Variants in SLC17A8 observed in about 807,000 individuals in gnomAD.
SLC17A8 encodes the protein vesicular glutamate transporter 3.
SLC17A8 carries 31 observed loss-of-function variants against 58.0 expected under a neutral mutation model. The observed-to-expected ratio is 0.53, with a 90% confidence interval of 0.40 to 0.72. SLC17A8 has a LOEUF of 0.72. Among genes scored for constraint, SLC17A8 ranks in the 30% least tolerant of loss-of-function variants. SLC17A8 has a pLI of 0.00. For missense variants in SLC17A8, 655 were observed against 727.8 expected (o/e 0.90, Z 1.15); for synonymous variants, 228 against 249.0 (o/e 0.92, Z 0.79).
chr12:100,360,912 G>A (rs1237342899), intron 1 of SLC17A8, among the ~76,000 whole-genome samples: 1 of 152,184 alleles, frequency 6.6e-6, no homozygotes, highest in Non-Finnish European at 1.5e-5. Flanking sequence ...TCCAAGGGAG[G>A]CTTAAGGGGA....
chr12:100,386,356 T>C (rs574387473), intron 2 of SLC17A8, among the ~76,000 whole-genome samples: 12 of 152,314 alleles, frequency 7.9e-5, no homozygotes, highest in African/African-American at 2.9e-4. Flanking sequence ...AAGTTTTTAG[T>C]GTACAATACA....
intron 2 of SLC17A8, among the ~76,000 whole-genome samples, chr12:100,381,298 G>C (rs983483468): frequency 3.9e-5 from 6 of 152,168 alleles, no homozygotes; most frequent in Non-Finnish European, 7.3e-5. Context: ...ACTTGTGCTG[G>C]GCATTGTGCA....
rs201585182 is a variant in SLC17A8 at position 100,391,121 on chromosome 12, T to C, written c.473+2T>C. Reference sequence around the variant, plus strand: ...TTCAAACAAGTTTGCTGCTAACAGGTAAGATAAATTGATATAACATGATAC... The same window carrying C: ...TTCAAACAAGTTTGCTGCTAACAGGCAAGATAAATTGATATAACATGATAC... On this transcript the variant is annotated splice_donor_variant, in intron 3 of 11. Transcript: ENST00000323346. LOFTEE classifies it high-confidence loss of function. 1.1e-4 allele frequency: 167 copies of C among 1,567,122 alleles called. No individual in the cohort carries two copies. Among genetic ancestry groups the C allele is most frequent in the Non-Finnish European group, 1.5e-4 (165 of 1,137,388 alleles).
At chr12:100,414,927 G>A (rs1952895568) in intron 10 of SLC17A8, among the ~76,000 whole-genome samples, 1 of 152,204 alleles carries the variant, frequency 6.6e-6, no homozygotes, top group Non-Finnish European at 1.5e-5. Context: ...CTGCTGCAGG[G>A]CAGTCCACAC....
chr12:100,373,504 G>A (rs1020330537), intron 1 of SLC17A8, among the ~76,000 whole-genome samples: 6 of 151,838 alleles, frequency 4.0e-5, no homozygotes, highest in Non-Finnish European at 8.8e-5. Flanking sequence ...GCTGAACATG[G>A]AGAATAAAGA....
chr12:100,366,404 G>A (rs912045506), intron 1 of SLC17A8, among the ~76,000 whole-genome samples: 2 of 152,122 alleles, frequency 1.3e-5, no homozygotes, highest in African/African-American at 4.8e-5. Flanking sequence ...ACGATCCTGT[G>A]CCAGGACTCC....
At chr12:100,407,980 G>A (rs1003572547) in intron 9 of SLC17A8, among the ~76,000 whole-genome samples, 1 of 152,098 alleles carries the variant, frequency 6.6e-6, no homozygotes, top group Non-Finnish European at 1.5e-5. Flanking sequence ...GACCATAATG[G>A]TCCCACTTTT....
Position 100,380,948 on chromosome 12 carries a change from A to T in SLC17A8, c.349A>T (p.Ile117Phe). 6.2e-7 allele frequency: 1 copy of T among 1,614,042 alleles called. No homozygotes were observed. The highest frequency in any genetic ancestry group is 1.1e-5 in the South Asian group (1 of 91,068). Residue 117 changes from isoleucine (I) to phenylalanine (F), a missense_variant, in exon 2 of 12, where the codon ATT becomes TTT. Coordinates refer to ENST00000323346, the MANE Select transcript of SLC17A8 (RefSeq NM_139319.3). ...CGTATATGTTGATGGAAAACCGGAA[A>T]TTCAGGTTGGTATCAGTCCATGGTG... ...STVYVDGKPE[I>F]QTAQFNWDPE...
In SLC17A8 at chr12:100,360,756, C is replaced by T. The variant is rs147537409; in HGVS notation, c.101+3264C>T. Among the ~76,000 whole-genome samples the T allele has an allele frequency of 4.6e-5, 7 of 152,330 alleles. No individual in the cohort carries two copies. The East Asian group carries it at 1.3e-3, about 29-fold the overall frequency. ...GTTACCCCTGTAATCAAGTGTCTTT[C>T]CTCTTCCCACTCACTGTCTTGATAT... On this transcript the variant is annotated intron_variant, in intron 1 of 11. Coordinates refer to ENST00000323346, the MANE Select transcript of SLC17A8 (RefSeq NM_139319.3).
intron 9 of SLC17A8, among the ~76,000 whole-genome samples, chr12:100,408,336 GC>G (rs1713848346): frequency 6.6e-6 from 1 of 152,112 alleles, no homozygotes. Context: ...TTCTTGTCCT[GC>G]CCCCTCTATA....
intron 3 of SLC17A8, among the ~76,000 whole-genome samples, chr12:100,392,071 ATGT>A: frequency 6.6e-6 from 1 of 152,098 alleles, no homozygotes; most frequent in East Asian, 1.9e-4. Flanking sequence ...CTTGGGGGAG[ATGT>A]TGTAGAATGT....
In SLC17A8 at chr12:100,380,206, C is replaced by CAA. The variant is rs10691046; in HGVS notation, c.102-481_102-480dup. Among the ~76,000 whole-genome samples, 120 of 120,074 alleles carry CAA rather than the reference C, an allele frequency of 1.0e-3. 8 individuals are homozygous for CAA. Among genetic ancestry groups the CAA allele is most frequent in the Non-Finnish European group, 1.6e-3 (94 of 58,222 alleles). The allele number at this position is 120,074 out of a possible 152,430, so 78.8% of individuals were successfully genotyped here. On this transcript the variant is annotated intron_variant, in intron 1 of 11. Coordinates refer to ENST00000323346, the MANE Select transcript of SLC17A8 (RefSeq NM_139319.3). ...GGGCAACAAAAGCAAAACTCCGTCT[C>CAA]AAAAAAAAAAAAAAAGACTTAGAAA...
chr12:100,377,107 G>A (rs1952599912), intron 1 of SLC17A8, among the ~76,000 whole-genome samples: 1 of 152,066 alleles, frequency 6.6e-6, no homozygotes, highest in African/African-American at 2.4e-5. Flanking sequence ...ACCACGCCAG[G>A]CCTAGAGCAT....
At position 100,402,378 on chromosome 12, in the gene SLC17A8, C is replaced by A. The variant is rs1259740215; in HGVS notation, c.802C>A (p.Gln268Lys). The A allele has an allele frequency of 1.9e-6, 3 of 1,613,952 alleles. No homozygotes were observed. The highest frequency in any genetic ancestry group is 2.5e-6 in the Non-Finnish European group (3 of 1,180,024). Residue 268 changes from glutamine to lysine, a missense_variant, in exon 7 of 12, where the codon CAG (glutamine) becomes AAG (lysine). Gln to Lys is a moderately conservative substitution (Grantham distance 53). Coordinates refer to ENST00000323346, the MANE Select transcript of SLC17A8 (RefSeq NM_139319.3). Reference protein sequence around the residue: ...GIIWYMFWLLQAYECPAAHPT... With the variant: ...GIIWYMFWLLKAYECPAAHPT... Reference sequence around the variant, plus strand: ...TATTTGGTACATGTTTTGGCTGTTGCAGGCCTATGAGTGCCCAGCAGCTCA... The same window carrying A: ...TATTTGGTACATGTTTTGGCTGTTGAAGGCCTATGAGTGCCCAGCAGCTCA...
At chr12:100,389,804 GTAT>G (rs144239177) in intron 2 of SLC17A8, among the ~76,000 whole-genome samples, 55 of 142,408 alleles carry the variant, frequency 3.9e-4, no homozygotes, top group South Asian at 1.6e-3. Flanking sequence ...GGCTAGATTT[GTAT>G]TATTATTATT....
At position 100,421,944 on chromosome 12, in the gene SLC17A8, G is replaced by C. The variant is rs552289507; in HGVS notation, c.*1785G>C. ...ATCATTATCTTTTAACATTTTGGGG[G>C]ACTTTCCAGTTGAAAAGAAAACATG... On this transcript the variant is annotated 3_prime_UTR_variant, in exon 12 of 12. Coordinates refer to ENST00000323346, the MANE Select transcript of SLC17A8 (RefSeq NM_139319.3). The C allele has an allele frequency of 6.6e-6, 1 of 152,068 alleles. No individual in the cohort carries two copies. The highest frequency in any genetic ancestry group is 1.9e-4 in the East Asian group (1 of 5,186). 9.4% of individuals were successfully genotyped at this position (152,068 alleles called of 1,614,324 possible).
chr12:100,384,569 A>C (rs2135989374), intron 2 of SLC17A8, among the ~76,000 whole-genome samples: 1 of 152,092 alleles, frequency 6.6e-6, no homozygotes, highest in Non-Finnish European at 1.5e-5. Context: ...CCATCTAAAC[A>C]AACAAACAAA....
intron 1 of SLC17A8, among the ~76,000 whole-genome samples, chr12:100,371,726 T>C (rs1338781310): frequency 6.6e-6 from 1 of 152,114 alleles, no homozygotes; most frequent in Non-Finnish European, 1.5e-5. Flanking sequence ...TTTTTTGTAT[T>C]TTTAGTAGAG....
intron 5 of SLC17A8, among the ~76,000 whole-genome samples, chr12:100,398,994 C>T (rs1366759322): frequency 6.6e-6 from 1 of 152,172 alleles, no homozygotes; most frequent in Non-Finnish European, 1.5e-5. Context: ...ACTGTGAGTC[C>T]AATTAAACCT....
Sources: allele counts gnomAD v4.1 joint callset (sites outside exome capture counted in the v4.1 genomes callset), GRCh38; gene constraint gnomAD v4.1.1; transcripts MANE v1.5; gene names NCBI Gene and HGNC (gene_info 2026-07-23, HGNC 2026-07-21).